The following MED13L variants were observed in gnomAD, a reference collection of about 807,000 sequenced individuals.
The protein encoded by MED13L is mediator complex subunit 13L, also known as mediator of RNA polymerase II transcription subunit 13-like.
Under a neutral mutation model 220.9 loss-of-function variants are expected in MED13L, and 7 were observed. The observed-to-expected ratio is 0.03, with a 90% CI of 0.02 to 0.06. MED13L has a LOEUF of 0.06. MED13L is among the 10% of genes least tolerant of loss of function. The probability of loss-of-function intolerance (pLI) is 1.00; values close to 1 mark genes in which losing one functional copy is unlikely to be tolerated. For synonymous variants in MED13L, 1,011 were observed against 1,015.2 expected (o/e 1.00, Z 0.08); for missense variants, 1,965 against 2,760.5 (o/e 0.71, Z 6.46).
intron 2 of MED13L, among the ~76,000 whole-genome samples, chr12:116,124,563 G>A (rs1875416884): frequency 6.6e-6 from 1 of 151,712 alleles, no homozygotes; most frequent in African/African-American, 2.4e-5. Flanking sequence ...AATATAAAAT[G>A]CTACTCCAAG....
At chr12:116,223,326 C>T (rs1420940352) in intron 2 of MED13L, among the ~76,000 whole-genome samples, 1 of 151,766 alleles carries the variant, frequency 6.6e-6, no homozygotes, top group Non-Finnish European at 1.5e-5. Flanking sequence ...TTGCTATCTA[C>T]AATACTAAAA....
In MED13L at chr12:116,169,751, G is replaced by T. The variant is rs1879539204; in HGVS notation, c.311-58239C>A. Among the ~76,000 whole-genome samples, 3 of 152,192 alleles carry T rather than the reference G, an allele frequency of 2.0e-5. No individual in the cohort carries two copies. The South Asian group carries it at 6.2e-4, about 32-fold the overall frequency. ...AAGCCAGGTGTGTTGGCCAGTGCTT[G>T]TAATTTCAGTGCTTTGGGAATCCAA... On this transcript the variant is annotated intron_variant, in intron 2 of 30. Coordinates refer to ENST00000281928, the MANE Select transcript of MED13L (RefSeq NM_015335.5).
intron 30 of MED13L, among the ~76,000 whole-genome samples, chr12:115,963,073 T>A (rs1214269357): frequency 6.6e-6 from 1 of 152,156 alleles, no homozygotes; most frequent in Non-Finnish European, 1.5e-5. Flanking sequence ...AAAAGTGTTT[T>A]CAATGTGAGG....
At chr12:116,272,648 C>T (rs1290343640) in intron 1 of MED13L, among the ~76,000 whole-genome samples, 1 of 152,152 alleles carries the variant, frequency 6.6e-6, no homozygotes, top group Non-Finnish European at 1.5e-5. Flanking sequence ...ACCCCCTTGC[C>T]CATTCTTCTC....
At position 116,046,927 on chromosome 12, in the gene MED13L, C is replaced by G. The variant is rs147889855; in HGVS notation, c.480-24326G>C. 1.0e-2 allele frequency among the ~76,000 whole-genome samples: 1,518 copies of G among 152,072 alleles called. 28 individuals carry two copies. Among genetic ancestry groups the G allele is most frequent in the African/African-American group, 0.034 (1,423 of 41,478 alleles). The stretch of plus-strand genomic sequence containing the variant: ...GGCAGAGCTTGCAGTGAGCTGAGAT[C>G]GCACCAATGCACTCCAGCCTGGGCG... On this transcript the variant is annotated intron_variant, in intron 4 of 30. Transcript: ENST00000281928.
chr12:116,140,043 A>G (rs1338145482), intron 2 of MED13L, among the ~76,000 whole-genome samples: 1 of 151,966 alleles, frequency 6.6e-6, no homozygotes, highest in Non-Finnish European at 1.5e-5. Context: ...AAAGGCAGAC[A>G]GGACCTTTAA....
At chr12:116,209,866 G>A (rs1021379709) in intron 2 of MED13L, among the ~76,000 whole-genome samples, 3 of 152,222 alleles carry the variant, frequency 2.0e-5, no homozygotes, top group East Asian at 3.9e-4. Context: ...TCTTCCAAGC[G>A]GTCCTAACCT....
chr12:116,162,232 G>A (rs1195711796), intron 2 of MED13L, among the ~76,000 whole-genome samples: 1 of 152,072 alleles, frequency 6.6e-6, no homozygotes, highest in African/African-American at 2.4e-5. Context: ...GTAATCTATT[G>A]TTAACTAATC....
At chr12:115,963,942 C>G (rs1442675613) in intron 29 of MED13L, among the ~76,000 whole-genome samples, 1 of 151,932 alleles carries the variant, frequency 6.6e-6, no homozygotes, top group African/African-American at 2.4e-5. Context: ...AAAAAAATAG[C>G]TGGGCATGGT....
At chr12:116,264,534 T>A (rs1872705700) in intron 1 of MED13L, among the ~76,000 whole-genome samples, 1 of 152,198 alleles carries the variant, frequency 6.6e-6, no homozygotes, top group African/African-American at 2.4e-5. Context: ...CAAAAAACAC[T>A]CAAGTTACAA....
chr12:116,224,022 G>A (rs1287902589), intron 2 of MED13L, among the ~76,000 whole-genome samples: 2 of 152,144 alleles, frequency 1.3e-5, no homozygotes, highest in African/African-American at 2.4e-5. Flanking sequence ...TTTAGTGTAT[G>A]TGCTGCCAAA....
intron 4 of MED13L, among the ~76,000 whole-genome samples, chr12:116,050,489 C>A (rs1868390091): frequency 6.6e-6 from 1 of 151,952 alleles, no homozygotes; most frequent in Non-Finnish European, 1.5e-5. Context: ...CCAAGTTCGG[C>A]TAATAGAAAA....
At chr12:116,119,838 A>AAATATATATAT (rs1555213242) in intron 2 of MED13L, among the ~76,000 whole-genome samples, 2 of 31,600 alleles carry the variant, frequency 6.3e-5, no homozygotes, top group Non-Finnish European at 1.1e-4. Context: ...AAAAAAAAAA[A>AAATATATATAT]ATATATATAT....
intron 4 of MED13L, among the ~76,000 whole-genome samples, chr12:116,024,161 T>C (rs948630191): frequency 6.6e-6 from 1 of 152,132 alleles, no homozygotes; most frequent in South Asian, 2.1e-4. Flanking sequence ...TGTTCTCTAT[T>C]CCACCGAGTC....
At chr12:116,101,651 G>A (rs984215927) in intron 3 of MED13L, among the ~76,000 whole-genome samples, 1 of 152,164 alleles carries the variant, frequency 6.6e-6, no homozygotes, top group Non-Finnish European at 1.5e-5. Flanking sequence ...CAGCACTGCT[G>A]CCCAAATGCT....
At chr12:116,053,597 T>C (rs1692528032) in intron 4 of MED13L, among the ~76,000 whole-genome samples, 1 of 152,134 alleles carries the variant, frequency 6.6e-6, no homozygotes, top group Non-Finnish European at 1.5e-5. Context: ...AACTCTAAGG[T>C]AGGCATTAAA....
At chr12:116,097,446 C>T (rs925261602) in intron 3 of MED13L, among the ~76,000 whole-genome samples, 1 of 151,962 alleles carries the variant, frequency 6.6e-6, no homozygotes, top group African/African-American at 2.4e-5. Context: ...ATGCCCAGCC[C>T]ATCTTGCAAG....
intron 4 of MED13L, among the ~76,000 whole-genome samples, 193 bp downstream of exon 4, chr12:116,096,476 C>T (rs1425750443): frequency 6.7e-6 from 1 of 150,256 alleles, no homozygotes; most frequent in Non-Finnish European, 1.5e-5. Context: ...AGTATATTGG[C>T]AATCACCTTT....
At chr12:116,188,849 C>T (rs1188420694) in intron 2 of MED13L, among the ~76,000 whole-genome samples, 1 of 152,122 alleles carries the variant, frequency 6.6e-6, no homozygotes, top group Non-Finnish European at 1.5e-5. Flanking sequence ...TTTTACTTTC[C>T]ACTCAGCATC....
Sources: gnomAD v4.1 joint callset for allele counts (sites outside exome capture counted in the v4.1 genomes callset) on GRCh38, gnomAD v4.1.1 for gene constraint, MANE v1.5 for transcripts, NCBI Gene and HGNC (gene_info 2026-07-23, HGNC 2026-07-21) for gene names.